Variants in GRIA1 observed in about 807,000 individuals in gnomAD.
The protein encoded by GRIA1 is glutamate ionotropic receptor AMPA type subunit 1.
GRIA1 carries 31 observed loss-of-function variants against 99.2 expected under a neutral mutation model. The ratio of observed to expected loss-of-function variants is 0.31; its 90% CI spans 0.23 to 0.42. The LOEUF (loss-of-function observed/expected upper bound fraction) is 0.42. GRIA1 is among the 10% of genes least tolerant of loss of function. GRIA1 has a pLI of 1.00. For missense variants in GRIA1, 782 were observed against 1,157.5 expected, an observed-to-expected ratio of 0.68 and a Z score of 4.71; for synonymous variants, 438 against 432.4, an observed-to-expected ratio of 1.01 and a Z score of -0.16.
At chr5:153,695,548 G>C (rs1295900912) in intron 8 of GRIA1, among the ~76,000 whole-genome samples, 1 of 152,200 alleles carries the variant, frequency 6.6e-6, no homozygotes, top group Non-Finnish European at 1.5e-5. Context: ...AAAAGCAAGG[G>C]AACTGAGACC....
intron 10 of GRIA1, among the ~76,000 whole-genome samples, chr5:153,700,348 G>A (rs557584458): frequency 2.0e-5 from 3 of 152,256 alleles, no homozygotes; most frequent in Admixed American, 1.3e-4. Context: ...CCATGCCATC[G>A]CACTCCAGCC....
At chr5:153,618,565 A>T (rs79815537) in intron 2 of GRIA1, among the ~76,000 whole-genome samples, 1 of 152,186 alleles carries the variant, frequency 6.6e-6, no homozygotes, top group East Asian at 1.9e-4. Flanking sequence ...GGAAGGCCCA[A>T]TGGAGACTTC....
At position 153,705,818 on chromosome 5, in the gene GRIA1, A is replaced by G; in HGVS notation, c.1574A>G (p.Lys525Arg). 1 of 1,613,866 alleles carries G rather than the reference A, an allele frequency of 6.2e-7. No individual in the cohort carries two copies. ...ATGATTAAAAAACCACAGAAATCCAAGCCGGGTGTCTTCTCCTTCCTTGAT... is the reference window on the plus strand; with the variant it reads ...ATGATTAAAAAACCACAGAAATCCAGGCCGGGTGTCTTCTCCTTCCTTGAT... ...SIMIKKPQKS[K>R]PGVFSFLDPL... The change falls in exon 11 of 16, where the codon AAG becomes AGG. Residue 525 changes from lysine (K) to arginine (R), a missense_variant. Transcript: ENST00000285900.
intron 13 of GRIA1, among the ~76,000 whole-genome samples, chr5:153,772,370 A>G (rs1763936258): frequency 6.6e-6 from 1 of 152,200 alleles, no homozygotes; most frequent in South Asian, 2.1e-4. Context: ...AAAGATTCTA[A>G]GGCAAGAAAT....
intron 8 of GRIA1, among the ~76,000 whole-genome samples, chr5:153,691,106 C>T (rs969718010): frequency 1.3e-5 from 2 of 152,154 alleles, no homozygotes; most frequent in African/African-American, 4.8e-5. Context: ...TGACATCCCA[C>T]TGAAATGTGG....
chr5:153,796,192 C>G (rs1431179535), intron 14 of GRIA1, among the ~76,000 whole-genome samples: 4 of 151,890 alleles, frequency 2.6e-5, no homozygotes, highest in Admixed American at 2.6e-4. Context: ...AGTCTCATGA[C>G]CTGAACTTGT....
intron 13 of GRIA1, among the ~76,000 whole-genome samples, chr5:153,776,232 A>T (rs887467856): frequency 6.6e-6 from 1 of 152,186 alleles, no homozygotes; most frequent in Non-Finnish European, 1.5e-5. Flanking sequence ...GGATGCAGAC[A>T]CTTGGGAGAA....
chr5:153,513,872 C>A (rs937429969), intron 2 of GRIA1, among the ~76,000 whole-genome samples: 31 of 152,160 alleles, frequency 2.0e-4, no homozygotes, highest in African/African-American at 7.5e-4. Flanking sequence ...TAATAACAAT[C>A]CCTATCACAA....
chr5:153,590,860 G>A (rs572467304), intron 2 of GRIA1, among the ~76,000 whole-genome samples: 9 of 152,254 alleles, frequency 5.9e-5, no homozygotes, highest in East Asian at 3.9e-4. Context: ...GTGCTTGTTA[G>A]AAGAATACCA....
chr5:153,493,857 C>T (rs1266501052), intron 1 of GRIA1, 71 bp from the exon 2 acceptor site: 2 of 1,492,638 alleles, frequency 1.3e-6, no homozygotes, highest in Non-Finnish European at 1.9e-6. Context: ...AAGGACTCAT[C>T]TGGAGTGAGT....
intron 11 of GRIA1, among the ~76,000 whole-genome samples, chr5:153,708,166 C>A (rs1759052378): frequency 1.3e-5 from 2 of 152,182 alleles, no homozygotes; most frequent in South Asian, 4.1e-4. Flanking sequence ...GGTCCATAAA[C>A]TGAATCTTCT....
At chr5:153,585,289 TTC>T (rs1181915961) in intron 2 of GRIA1, among the ~76,000 whole-genome samples, 3 of 145,930 alleles carry the variant, frequency 2.1e-5, no homozygotes, top group Non-Finnish European at 3.0e-5. Context: ...TTTCTTTTCT[TTC>T]TCTCTCTCTT....
chr5:153,635,550 G>A (rs1177391711), intron 2 of GRIA1, among the ~76,000 whole-genome samples: 1 of 152,146 alleles, frequency 6.6e-6, no homozygotes, highest in East Asian at 1.9e-4. Flanking sequence ...GAGGCTGAGT[G>A]AACACTCACT....
chr5:153,656,157 A>G (rs768036975), intron 5 of GRIA1, among the ~76,000 whole-genome samples: 1 of 152,146 alleles, frequency 6.6e-6, no homozygotes, highest in African/African-American at 2.4e-5. Context: ...CCCCTTGGCA[A>G]TAGGGACAAA....
chr5:153,527,369 GTTA>G (rs1294465790), intron 2 of GRIA1, among the ~76,000 whole-genome samples: 1 of 152,188 alleles, frequency 6.6e-6, no homozygotes, highest in Non-Finnish European at 1.5e-5. Context: ...CTCTTATCCT[GTTA>G]TTGTCTTCAT....
intron 2 of GRIA1, among the ~76,000 whole-genome samples, chr5:153,624,254 C>T (rs1386368578): frequency 6.6e-6 from 1 of 152,180 alleles, no homozygotes; most frequent in Non-Finnish European, 1.5e-5. Context: ...GAGCAATTGT[C>T]CCCAGGAAGA....
intron 11 of GRIA1, chr5:153,706,298 G>A (rs1191005632): frequency 3.7e-6 from 2 of 546,194 alleles, no homozygotes; most frequent in Non-Finnish European, 6.6e-6. Context: ...CTCTGTCAAG[G>A]TTAATAGGCA....
In GRIA1 at chr5:153,731,787, T is replaced by G. The variant is rs569540858; in HGVS notation, c.1823+25720T>G. Among the ~76,000 whole-genome samples, 5 of 152,220 alleles carry G rather than the reference T, an allele frequency of 3.3e-5. No individual in the cohort carries two copies. In the South Asian group the frequency reaches 1.0e-3, roughly 32 times the overall value. On this transcript the variant is annotated intron_variant, in intron 11 of 15. Transcript: ENST00000285900. ...TTTAATATCTATTATATGAGCAAAT[T>G]TCAAGTATGCAATGCATTATTATTC...
intron 7 of GRIA1, among the ~76,000 whole-genome samples, chr5:153,679,192 G>A (rs374571443): frequency 2.0e-4 from 30 of 152,276 alleles, no homozygotes; most frequent in African/African-American, 7.0e-4. Flanking sequence ...GCCAAGCACT[G>A]AGGACAATAA....
Sources: allele counts gnomAD v4.1 joint callset (sites outside exome capture counted in the v4.1 genomes callset), GRCh38; gene constraint gnomAD v4.1.1; transcripts MANE v1.5; gene names NCBI Gene and HGNC (gene_info 2026-07-23, HGNC 2026-07-21).